PSG3: variants seen among roughly 807,000 people sequenced by gnomAD.
The protein encoded by PSG3 is pregnancy specific beta-1-glycoprotein 3, also known as pregnancy-specific beta-1-glycoprotein 3.
Under a neutral mutation model 47.5 loss-of-function variants are expected in PSG3, and 61 were observed. That is an observed-to-expected ratio of 1.28 (90% CI 1.05 to 1.59). The LOEUF (loss-of-function observed/expected upper bound fraction) is 1.59, where lower values mean the gene tolerates loss of function less well. Ranked by LOEUF, PSG3 falls within the 40% of genes most tolerant of loss-of-function variation. PSG3 has a pLI of 0.00. For missense variants in PSG3, 756 were observed against 524.0 expected (o/e 1.44, Z -4.32); for synonymous variants, 263 against 198.4 (o/e 1.33, Z -2.74).
At chr19:42,733,823 G>A (rs1313382870) in intron 2 of PSG3, 1 of 152,320 alleles carries the variant, frequency 6.6e-6, no homozygotes, top group Admixed American at 6.5e-5. Context: ...CCCTGTAGAG[G>A]GCAGGTGAGG....
chr19:42,735,245 C>G (rs532598637), intron 2 of PSG3, among the ~76,000 whole-genome samples: 11 of 152,262 alleles, frequency 7.2e-5, no homozygotes, highest in South Asian at 2.1e-4. Flanking sequence ...TTTCCCCACT[C>G]TTGTTGAACT....
Position 42,732,931 on chromosome 19 carries a change from G to A in PSG3, c.562C>T (p.Pro188Ser), listed in dbSNP as rs746628722. ...YLWWMNGQSL[P>S]MTHSLQLSKN... Reference sequence around the variant, plus strand: ...GACAACTGCAAGCTGTGAGTCATAGGGAGGCTCTGACCATTCATCCACCAC... The same window carrying A: ...GACAACTGCAAGCTGTGAGTCATAGAGAGGCTCTGACCATTCATCCACCAC... Residue 188 changes from proline to serine, a missense_variant, in exon 3 of 7, where the codon CCT becomes TCT. Physicochemically the swap from Pro to Ser is moderately conservative, Grantham distance 74. Coordinates refer to ENST00000327495, the MANE Select transcript of PSG3 (RefSeq NM_021016.4). The A allele has an allele frequency of 6.8e-6, 11 of 1,614,086 alleles. No homozygotes were observed. Among genetic ancestry groups the A allele is most frequent in the Middle Eastern group, 3.3e-4 (2 of 6,062 alleles).
Position 42,732,888 on chromosome 19 carries a change from A to C in PSG3, c.605T>G (p.Leu202Arg). 6.2e-7 allele frequency: 1 copy of C among 1,614,142 alleles called. No homozygotes were observed. Among genetic ancestry groups the C allele is most frequent in the South Asian group, 1.1e-5 (1 of 91,082 alleles). The change falls in exon 3 of 7, where the codon CTC becomes CGC. Residue 202 changes from leucine to arginine, a missense_variant. Physicochemically the swap from Leu to Arg is moderately radical, Grantham distance 102 (BLOSUM62 -2). Coordinates refer to ENST00000327495, the MANE Select transcript of PSG3 (RefSeq NM_021016.4). ...SLQLSKNKRT[L>R]FLFGVTKYTA... ...GTACTTTGTGACACCAAATAGAAAG[A>C]GGGTCCTTTTGTTTTTGGACAACTG...
chr19:42,729,995 G>A lies in PSG3; in HGVS notation c.771C>T (p.Val257=). 1.2e-6 allele frequency: 2 copies of A among 1,612,074 alleles called. No homozygotes were observed. Among genetic ancestry groups the A allele is most frequent in the Non-Finnish European group, 1.7e-6 (2 of 1,179,732 alleles). Residue 257 remains valine, a synonymous_variant, in exon 4 of 7, where the codon GTC becomes GTT. Coordinates refer to ENST00000327495, the MANE Select transcript of PSG3 (RefSeq NM_021016.4). ...NNLNPRENKD[V]LAFTCEPKSE... ...TCTTAGGTTCACAGGTGAAGGCTAA[G>A]ACATCCTTATTCTCCCTGGGGTTTA...
Position 42,721,725 on chromosome 19 carries a change from A to T in PSG3, c.*406T>A. Reference sequence around the variant, plus strand: ...CAATTCTGGGGCACTTAGGGAGCAAAAGCAAATGTTTCAATTTTTGTTTAC... The same window carrying T: ...CAATTCTGGGGCACTTAGGGAGCAATAGCAAATGTTTCAATTTTTGTTTAC... On this transcript the variant is annotated 3_prime_UTR_variant, in exon 7 of 7. Coordinates refer to ENST00000327495, the MANE Select transcript of PSG3 (RefSeq NM_021016.4). 2.6e-6 allele frequency: 1 copy of T among 379,012 alleles called. No homozygotes were observed. Among genetic ancestry groups the T allele is most frequent in the Non-Finnish European group, 4.7e-6 (1 of 212,200 alleles). 23.5% of individuals were successfully genotyped at this position (379,012 alleles called of 1,614,324 possible). A position where few individuals can be genotyped will look rare whatever the true frequency, so the allele number is the denominator to read the frequency against.
At chr19:42,723,430 AG>A (rs904517399) in intron 6 of PSG3, among the ~76,000 whole-genome samples, 12 of 152,246 alleles carry the variant, frequency 7.9e-5, no homozygotes, top group Admixed American at 3.3e-4. Context: ...GTAGCGGTAA[AG>A]GAAGTGAGAA....
chr19:42,721,774 G>C lies in PSG3; in HGVS notation c.*357C>G. The C allele has an allele frequency of 2.5e-6, 1 of 405,222 alleles. No individual in the cohort carries two copies. Among genetic ancestry groups the C allele is most frequent in the Non-Finnish European group, 4.5e-6 (1 of 224,324 alleles). 25.1% of individuals were successfully genotyped at this position (405,222 alleles called of 1,614,324 possible). On this transcript the variant is annotated 3_prime_UTR_variant, in exon 7 of 7. Transcript: ENST00000327495. ...ACAAAAGTATACTTTACCAATTGCTGAAGAAAAAAAGTGCATAAATCTGGA... is the reference window on the plus strand; with the variant it reads ...ACAAAAGTATACTTTACCAATTGCTCAAGAAAAAAAGTGCATAAATCTGGA...
chr19:42,725,089 G>C (rs1969355439), intron 5 of PSG3, among the ~76,000 whole-genome samples: 2 of 152,118 alleles, frequency 1.3e-5, no homozygotes, highest in Non-Finnish European at 2.9e-5. Flanking sequence ...TCTGAGATTT[G>C]ATTCTAGGAC....
In PSG3 at chr19:42,730,033, T is replaced by C; in HGVS notation, c.733A>G (p.Thr245Ala). 6.2e-7 allele frequency: 1 copy of C among 1,612,602 alleles called. No individual in the cohort carries two copies. The highest frequency in any genetic ancestry group is 8.5e-7 in the Non-Finnish European group (1 of 1,179,834). ...LLPKLPKPYI[T>A]INNLNPRENK... ...TCCCTGGGGTTTAAGTTGTTGATGG[T>C]GATGTAGGGCTTGGGCAGCTTCGCT... The change falls in exon 4 of 7, where the codon ACC (threonine) becomes GCC (alanine). Residue 245 changes from threonine to alanine, a missense_variant. Transcript: ENST00000327495.
At chr19:42,735,630 G>A (rs772468687) in intron 2 of PSG3, among the ~76,000 whole-genome samples, 1 of 152,148 alleles carries the variant, frequency 6.6e-6, no homozygotes, top group Non-Finnish European at 1.5e-5. Flanking sequence ...CAAAGTCCTG[G>A]GATTATAGGC....
intron 1 of PSG3, among the ~76,000 whole-genome samples, chr19:42,739,952 TCCATTC>T (rs1341183201): frequency 6.6e-6 from 1 of 151,516 alleles, no homozygotes; most frequent in African/African-American, 2.4e-5. Context: ...CTTTTTTCTT[TCCATTC>T]TTTTTTTTTT....
At chr19:42,722,804 T>A (rs548991968) in intron 6 of PSG3, among the ~76,000 whole-genome samples, 1 of 152,312 alleles carries the variant, frequency 6.6e-6, no homozygotes, top group South Asian at 2.1e-4. Flanking sequence ...CAGCTGAACA[T>A]CATTGATTTA....
At chr19:42,735,466 A>G (rs1344555247) in intron 2 of PSG3, among the ~76,000 whole-genome samples, 1 of 152,032 alleles carries the variant, frequency 6.6e-6, no homozygotes, top group African/African-American at 2.4e-5. Flanking sequence ...TCCTGGGTTC[A>G]TGCCATTCTC....
At chr19:42,734,046 C>G (rs1385912194) in intron 2 of PSG3, 2 of 152,116 alleles carry the variant, frequency 1.3e-5, no homozygotes, top group Non-Finnish European at 2.9e-5. Context: ...ACTCTATGTA[C>G]CTGATATCAG....
chr19:42,730,453 G>T (rs534023659), intron 3 of PSG3, among the ~76,000 whole-genome samples: 3 of 152,190 alleles, frequency 2.0e-5, no homozygotes, highest in Non-Finnish European at 4.4e-5. Flanking sequence ...CCCCATAGAT[G>T]TGATTTCTCT....
intron 2 of PSG3, among the ~76,000 whole-genome samples, chr19:42,735,221 GT>G (rs1341969897): frequency 2.6e-5 from 4 of 152,092 alleles, no homozygotes; most frequent in African/African-American, 9.7e-5. Context: ...AAGTTGAAAT[GT>G]TGTTCCACTT....
rs779979108 is a variant in PSG3 at position 42,732,842 on chromosome 19, A to G, written c.651T>C (p.Cys217=). The change falls in exon 3 of 7, where the codon TGT becomes TGC. Residue 217 remains cysteine (C), a synonymous_variant. Transcript: ENST00000327495. ...VTKYTAGPYE[C]EIRNPVSASR... ...TGGCACTCACTGGGTTCCGTATTTC[A>G]CATTCATAGGGTCCTGCAGTGTACT... The G allele has an allele frequency of 6.2e-7, 1 of 1,614,182 alleles. No individual in the cohort carries two copies. The highest frequency in any genetic ancestry group is 1.7e-5 in the Admixed American group (1 of 60,028).
rs1361911695 is a variant in PSG3 at position 42,732,439 on chromosome 19, T to C, written c.709+345A>G. ...TATTGTCAGAGGGAAGGGAAAATCC[T>C]GGTCTGTGGAAGGGCCACAGTGACC... On this transcript the variant is annotated intron_variant, in intron 3 of 6. Transcript: ENST00000327495. 10 of 463,028 alleles carry C rather than the reference T, an allele frequency of 2.2e-5. No homozygotes were observed. In the East Asian group the frequency reaches 3.6e-4, roughly 17 times the overall value. The allele number at this position is 463,028 out of a possible 1,614,324, so 28.7% of individuals were successfully genotyped here.
At position 42,734,850 on chromosome 19, in the gene PSG3, G is replaced by A. The variant is rs372844155; in HGVS notation, c.431-1788C>T. On this transcript the variant is annotated intron_variant, in intron 2 of 6. Coordinates refer to ENST00000327495, the MANE Select transcript of PSG3 (RefSeq NM_021016.4). ...AACCTGCTTCTAATTTCTGTGCAGAGTTAGGAAAAATGGGGAGGACCCCAA... is the reference window on the plus strand; with the variant it reads ...AACCTGCTTCTAATTTCTGTGCAGAATTAGGAAAAATGGGGAGGACCCCAA... 2.6e-5 allele frequency among the ~76,000 whole-genome samples: 4 copies of A among 152,316 alleles called. No homozygotes were observed. In the East Asian group the frequency reaches 5.8e-4, roughly 22 times the overall value.
Sources: allele counts gnomAD v4.1 joint callset (sites outside exome capture counted in the v4.1 genomes callset), GRCh38; gene constraint gnomAD v4.1.1; transcripts MANE v1.5; gene names NCBI Gene and HGNC (gene_info 2026-07-23, HGNC 2026-07-21).